The following FSHR variants were observed in gnomAD, a reference collection of about 807,000 sequenced individuals.
FSHR encodes follicle-stimulating hormone receptor.
In FSHR, 46 loss-of-function variants were observed where a neutral mutation model predicts 52.1. That is an observed-to-expected ratio of 0.88 (90% CI 0.70 to 1.13). The LOEUF (loss-of-function observed/expected upper bound fraction) is 1.13. Ranked by LOEUF, FSHR falls within the 50% of genes most tolerant of loss-of-function variation. FSHR has a pLI of 0.00. For synonymous variants in FSHR, 399 were observed against 309.6 expected (o/e 1.29, Z -3.03); for missense variants, 964 against 834.6 (o/e 1.16, Z -1.91).
intron 2 of FSHR, among the ~76,000 whole-genome samples, chr2:49,030,290 G>A (rs1572655587): frequency 8.9e-6 from 1 of 112,886 alleles, no homozygotes; most frequent in South Asian, 3.1e-4. Context: ...GTGTGTGTGT[G>A]TGTGTGTGTG....
At chr2:49,091,570 TA>T (rs57607541) in intron 1 of FSHR, among the ~76,000 whole-genome samples, 4,090 of 152,290 alleles carry the variant, frequency 0.027, 164 homozygotes, top group African/African-American at 0.093. Context: ...GTGCTGGGAT[TA>T]CAGGCATGAG....
At chr2:49,000,570 C>G (rs1437165315) in intron 4 of FSHR, among the ~76,000 whole-genome samples, 1 of 152,094 alleles carries the variant, frequency 6.6e-6, no homozygotes, top group African/African-American at 2.4e-5. Context: ...TTTCTGGAAA[C>G]CAGTTACACA....
rs1238822489 is a variant in FSHR, at chr2:49,015,746, C to CATA, written c.374+1740_374+1742dup. 2.6e-5 allele frequency among the ~76,000 whole-genome samples: 4 copies of CATA among 152,276 alleles called. No individual in the cohort carries two copies. The South Asian group carries it at 8.3e-4, about 32-fold the overall frequency. Reference sequence around the variant, plus strand: ...TCCTAAGCCTGAAAGTAGAAGAGCTCATAACCCTAACCTCTAAGCAGGACT... The same window carrying CATA: ...TCCTAAGCCTGAAAGTAGAAGAGCTCATAATAACCCTAACCTCTAAGCAGGACT... On this transcript the variant is annotated intron_variant, in intron 4 of 9. Coordinates refer to ENST00000406846, the MANE Select transcript of FSHR (RefSeq NM_000145.4).
At chr2:48,996,880 C>G (rs1676045809) in intron 4 of FSHR, among the ~76,000 whole-genome samples, 1 of 152,080 alleles carries the variant, frequency 6.6e-6, no homozygotes, top group Non-Finnish European at 1.5e-5. Flanking sequence ...TAATGAGGAT[C>G]AACTGTATAT....
Position 48,963,907 on chromosome 2 carries a change from G to C in FSHR, c.914C>G (p.Thr305Ser). The C allele has an allele frequency of 6.2e-7, 1 of 1,613,986 alleles. No homozygotes were observed. The highest frequency in any genetic ancestry group is 2.2e-5 in the East Asian group (1 of 44,872). The change falls in exon 10 of 10, where the codon ACT becomes AGT. Residue 305 changes from threonine (T) to serine (S), a missense_variant. Thr to Ser is a moderately conservative substitution (Grantham distance 58). Coordinates refer to ENST00000406846, the MANE Select transcript of FSHR (RefSeq NM_000145.4). ...AGAGGATCTCTGACCCCTAGCCTGA[G>C]TCATATAATCAACTTCTTGCCTTAA... is the stretch of plus-strand genomic sequence containing the variant. ...SILRQEVDYM[T>S]QARGQRSSLA...
At chr2:49,006,566 T>C (rs1667082764) in intron 4 of FSHR, among the ~76,000 whole-genome samples, 3 of 152,088 alleles carry the variant, frequency 2.0e-5, no homozygotes, top group South Asian at 4.1e-4. Flanking sequence ...TTTATTCTTC[T>C]TTTATGTCTC....
intron 1 of FSHR, among the ~76,000 whole-genome samples, chr2:49,134,573 C>T (rs781478842): frequency 2.6e-5 from 4 of 151,970 alleles, no homozygotes; most frequent in Non-Finnish European, 4.4e-5. Context: ...GGGTATATAC[C>T]CAAAGGATTA....
At chr2:49,007,671 CTAAAGAAGCAGT>C (rs1217442172) in intron 4 of FSHR, among the ~76,000 whole-genome samples, 2 of 151,940 alleles carry the variant, frequency 1.3e-5, no homozygotes, top group African/African-American at 4.8e-5. Flanking sequence ...AGTAGATGTC[CTAAAGAAGCAGT>C]TACAGAGGCC....
In FSHR at chr2:49,038,048, G is replaced by C. The variant is rs1216589763; in HGVS notation, c.225-17888C>G. Among the ~76,000 whole-genome samples, 7 of 152,034 alleles carry C rather than the reference G, an allele frequency of 4.6e-5. No individual in the cohort carries two copies. The East Asian group carries it at 1.3e-3, about 29-fold the overall frequency. ...TAGACTGGCAGCTGACTTCACATAA[G>C]CAACAAGAGATATCAAAAGATAATA... On this transcript the variant is annotated intron_variant, in intron 2 of 9. Coordinates refer to ENST00000406846, the MANE Select transcript of FSHR (RefSeq NM_000145.4).
chr2:49,051,266 GT>G (rs955443996), intron 2 of FSHR, among the ~76,000 whole-genome samples: 6 of 152,054 alleles, frequency 3.9e-5, no homozygotes, highest in African/African-American at 1.4e-4. Context: ...CTGACAAACT[GT>G]TTACCAAAGA....
chr2:48,985,154 G>A (rs1675436321), intron 6 of FSHR, among the ~76,000 whole-genome samples: 1 of 152,158 alleles, frequency 6.6e-6, no homozygotes, highest in Non-Finnish European at 1.5e-5. Context: ...AACCTGGGCA[G>A]AACATCAACT....
chr2:48,969,186 A>G (rs1209509834), intron 8 of FSHR, among the ~76,000 whole-genome samples: 1 of 152,180 alleles, frequency 6.6e-6, no homozygotes, highest in Non-Finnish European at 1.5e-5. Context: ...AGAATTAGCC[A>G]CCTTCCCTTC....
At chr2:49,115,894 A>C (rs936761490) in intron 1 of FSHR, among the ~76,000 whole-genome samples, 1 of 152,148 alleles carries the variant, frequency 6.6e-6, no homozygotes, top group Admixed American at 6.6e-5. Context: ...TGCATGACAT[A>C]AGTGAAGGGT....
chr2:49,141,093 T>G (rs534331528), intron 1 of FSHR, among the ~76,000 whole-genome samples: 2 of 152,328 alleles, frequency 1.3e-5, no homozygotes, highest in South Asian at 4.1e-4. Context: ...CTCAAACAGC[T>G]CCTTGACATT....
At chr2:49,141,695 A>G (rs1452325143) in intron 1 of FSHR, among the ~76,000 whole-genome samples, 3 of 152,166 alleles carry the variant, frequency 2.0e-5, no homozygotes, top group African/African-American at 4.8e-5. Context: ...TCAGCTTACT[A>G]TATATGGGAG....
chr2:49,090,819 T>C (rs1215531811), intron 1 of FSHR, among the ~76,000 whole-genome samples: 1 of 152,192 alleles, frequency 6.6e-6, no homozygotes, highest in Non-Finnish European at 1.5e-5. Flanking sequence ...CTATAAAGTT[T>C]TATCACACTG....
At chr2:49,002,086 G>A (rs768096217) in intron 4 of FSHR, among the ~76,000 whole-genome samples, 6 of 152,078 alleles carry the variant, frequency 3.9e-5, no homozygotes, top group Non-Finnish European at 8.8e-5. Context: ...TAGCATTTCT[G>A]AACCTCAAGC....
intron 4 of FSHR, among the ~76,000 whole-genome samples, chr2:49,011,487 G>GA (rs1364391052): frequency 6.6e-6 from 1 of 152,082 alleles, no homozygotes; most frequent in Non-Finnish European, 1.5e-5. Flanking sequence ...GTGTGGTGCT[G>GA]AAAAAAATAT....
At chr2:49,097,134 G>T (rs13027865) in intron 1 of FSHR, among the ~76,000 whole-genome samples, 29,601 of 152,114 alleles carry the variant, frequency 0.19, 3,101 homozygotes, top group South Asian at 0.26. Flanking sequence ...ATGGTCATTT[G>T]CTTTATTGTT....
Sources: allele counts gnomAD v4.1 joint callset (sites outside exome capture counted in the v4.1 genomes callset), GRCh38; gene constraint gnomAD v4.1.1; transcripts MANE v1.5; gene names NCBI Gene and HGNC (gene_info 2026-07-23, HGNC 2026-07-21).